The following PPM1B variants were observed in gnomAD, a reference collection of about 807,000 sequenced individuals.
PPM1B encodes protein phosphatase, Mg2+/Mn2+ dependent 1B, also known as protein phosphatase 1B.
PPM1B carries 22 observed loss-of-function variants against 43.0 expected under a neutral mutation model. The ratio of observed to expected loss-of-function variants is 0.51; its 90% CI spans 0.37 to 0.73. The LOEUF (loss-of-function observed/expected upper bound fraction) is 0.73, where lower values mean the gene tolerates loss of function less well. Ranked by LOEUF, PPM1B falls within the 30% of genes least tolerant of loss-of-function variation. PPM1B has a pLI of 0.00. For synonymous variants in PPM1B, 217 were observed against 197.9 expected (o/e 1.10, Z -0.81); for missense variants, 632 against 584.2 (o/e 1.08, Z -0.84).
intron 5 of PPM1B, among the ~76,000 whole-genome samples, chr2:44,220,769 G>GT (rs1669943911): frequency 6.6e-6 from 1 of 152,216 alleles, no homozygotes; most frequent in Non-Finnish European, 1.5e-5. Context: ...AGTGATTGCT[G>GT]TAAAAGTTCA....
downstream of PPM1B, among the ~76,000 whole-genome samples, chr2:44,236,106 A>G (rs1256678554): frequency 6.6e-6 from 1 of 151,710 alleles, no homozygotes; most frequent in African/African-American, 2.4e-5. Flanking sequence ...AAAAAAAATT[A>G]TAATGAAGGC....
At chr2:44,217,717 C>A (rs890670342) in intron 3 of PPM1B, 2 of 241,690 alleles carry the variant, frequency 8.3e-6, no homozygotes, top group Non-Finnish European at 1.6e-5. Context: ...CCAGTTTTTG[C>A]TTTTTATGAA....
intron 3 of PPM1B, among the ~76,000 whole-genome samples, chr2:44,210,786 G>A (rs1669426116): frequency 6.6e-6 from 1 of 151,804 alleles, no homozygotes; most frequent in Admixed American, 6.6e-5. Flanking sequence ...TGATATATCA[G>A]TACTACTTAA....
At chr2:44,236,537 A>T (rs546465792), downstream of PPM1B, among the ~76,000 whole-genome samples, 1 of 151,934 alleles carries the variant, frequency 6.6e-6, no homozygotes, top group Non-Finnish European at 1.5e-5. Context: ...GAGAAATAAT[A>T]TTAGTCGGGG....
rs1669799996 is a variant in PPM1B at position 44,217,966 on chromosome 2, G to C, written c.965-1G>C. On this transcript the variant is annotated splice_acceptor_variant, in intron 3 of 5. Coordinates refer to ENST00000282412, the MANE Select transcript of PPM1B (RefSeq NM_002706.6). LOFTEE classifies it high-confidence loss of function. ...AGGAACTTTTTTTAAAAAACCTACAGAGATTATGGAGAAGTCTGGCGAGGA... is the reference window on the plus strand; with the variant it reads ...AGGAACTTTTTTTAAAAAACCTACACAGATTATGGAGAAGTCTGGCGAGGA... The C allele has an allele frequency of 6.3e-7, 1 of 1,581,616 alleles. No individual in the cohort carries two copies. The highest frequency in any genetic ancestry group is 1.4e-5 in the African/African-American group (1 of 72,882).
intron 5 of PPM1B, among the ~76,000 whole-genome samples, chr2:44,239,892 TTTTG>T (rs1260976886): frequency 2.2e-4 from 19 of 87,546 alleles, no homozygotes; most frequent in Admixed American, 1.4e-3. Context: ...TTGTTTTTGT[TTTTG>T]TTTTTTTTTT....
chr2:44,223,183 A>T (rs1010204606), intron 5 of PPM1B, among the ~76,000 whole-genome samples: 1 of 152,174 alleles, frequency 6.6e-6, no homozygotes, highest in Non-Finnish European at 1.5e-5. Context: ...GTTGAAAGGA[A>T]TGAGTTAAGC....
chr2:44,201,679 A>C lies in PPM1B; in HGVS notation c.480A>C (p.Gly160=), dbSNP rs1419737328. The part of the protein sequence containing the change: ...GDSRAVLYRN[G]QVCFSTQDHK... ...CACGTGCTGTTCTGTATAGGAATGG[A>C]CAAGTCTGCTTTTCTACCCAGGATC... The change falls in exon 2 of 6, where the codon GGA becomes GGC. Residue 160 remains glycine, a synonymous_variant. Transcript: ENST00000282412. The surrounding 1 kb of genome is among the most constrained non-coding windows in gnomAD (Gnocchi z 5.4). The C allele has an allele frequency of 6.2e-7, 1 of 1,614,188 alleles. No homozygotes were observed. Among genetic ancestry groups the C allele is most frequent in the African/African-American group, 1.3e-5 (1 of 75,050 alleles).
chr2:44,237,153 T>C (rs1572766691), downstream of PPM1B, among the ~76,000 whole-genome samples: 1 of 152,384 alleles, frequency 6.6e-6, no homozygotes, highest in South Asian at 2.1e-4. Context: ...ATGGGCATTA[T>C]AACAATTTGC....
At chr2:44,241,045 C>T (rs1474279619) in intron 5 of PPM1B, among the ~76,000 whole-genome samples, 1 of 142,472 alleles carries the variant, frequency 7.0e-6, no homozygotes, top group Non-Finnish European at 1.6e-5. Flanking sequence ...CTCTTGTCGC[C>T]CAGGCTGCAG....
Position 44,241,694 on chromosome 2 carries a change from T to A in PPM1B, n.1547-2534T>A. Among the ~76,000 whole-genome samples, 2 of 151,564 alleles carry A rather than the reference T, an allele frequency of 1.3e-5. 1 individual carries two copies. The highest frequency in any genetic ancestry group is 2.9e-5 in the Non-Finnish European group (2 of 67,914). On this transcript the variant is annotated intron_variant and non_coding_transcript_variant, in intron 5 of 5. Transcript: ENST00000378540. ...CTTCAGTGAGCTGAGATCATGTCAC[T>A]GCACTCCAGCTTGGATGACAGAGCA...
chr2:44,177,436 G>A (rs1329674442), intron 1 of PPM1B, among the ~76,000 whole-genome samples: 1 of 27,300 alleles, frequency 3.7e-5, no homozygotes, highest in Non-Finnish European at 7.6e-5. Flanking sequence ...TTTTTTTTTT[G>A]AGACGGAGTT....
intron 1 of PPM1B, among the ~76,000 whole-genome samples, chr2:44,179,137 C>T (rs1293465328): frequency 6.6e-6 from 1 of 151,556 alleles, no homozygotes; most frequent in Non-Finnish European, 1.5e-5. Context: ...TAATGGAGAG[C>T]TTCCCTACAC....
chr2:44,184,262 C>G (rs1668021834), intron 1 of PPM1B, among the ~76,000 whole-genome samples: 1 of 152,186 alleles, frequency 6.6e-6, no homozygotes, highest in African/African-American at 2.4e-5. Context: ...TTTGATAGGA[C>G]ATTGACCTGT....
At chr2:44,209,489 T>A in intron 3 of PPM1B, 162 bp downstream of exon 3, 1 of 864,598 alleles carries the variant, frequency 1.2e-6, no homozygotes, top group African/African-American at 1.7e-5. Flanking sequence ...ATGATTATTT[T>A]AAAATTTCCT....
intron 1 of PPM1B, among the ~76,000 whole-genome samples, chr2:44,193,737 C>G (rs879731651): frequency 2.0e-5 from 3 of 152,024 alleles, no homozygotes; most frequent in Non-Finnish European, 4.4e-5. Context: ...TGCCACCATG[C>G]CCGGCTAATT....
At chr2:44,190,107 G>A (rs1320594970) in intron 1 of PPM1B, among the ~76,000 whole-genome samples, 1 of 151,756 alleles carries the variant, frequency 6.6e-6, no homozygotes, top group African/African-American at 2.4e-5. Flanking sequence ...TACTAGTAGA[G>A]TGGACAGATC....
At chr2:44,186,336 A>T (rs147829434) in intron 1 of PPM1B, among the ~76,000 whole-genome samples, 2 of 152,280 alleles carry the variant, frequency 1.3e-5, no homozygotes, top group East Asian at 3.9e-4. Context: ...AATTTTGAAG[A>T]TAGAAGCACA....
chr2:44,175,273 G>T (rs749771712), intron 1 of PPM1B, among the ~76,000 whole-genome samples: 4 of 151,896 alleles, frequency 2.6e-5, no homozygotes, highest in Admixed American at 6.6e-5. Flanking sequence ...AAGTGGGGGT[G>T]GGGGAACATA....
Sources: allele counts gnomAD v4.1 joint callset (sites outside exome capture counted in the v4.1 genomes callset), GRCh38; gene constraint gnomAD v4.1.1; non-coding constraint Gnocchi (gnomAD v3.1); transcripts MANE v1.5; gene names NCBI Gene and HGNC (gene_info 2026-07-23, HGNC 2026-07-21).